Variants in SDK1 observed in about 807,000 individuals in gnomAD.
The protein encoded by SDK1 is sidekick cell adhesion molecule 1.
Under a neutral mutation model 245.5 loss-of-function variants are expected in SDK1, and 157 were observed. The observed-to-expected ratio is 0.64, with a 90% CI of 0.56 to 0.73. The LOEUF (loss-of-function observed/expected upper bound fraction) is 0.73. Among genes scored for constraint, SDK1 ranks in the 30% least tolerant of loss-of-function variants. The pLI is 0.00. For synonymous variants in SDK1, 1,647 were observed against 1,278.5 expected (o/e 1.29, Z -6.15); for missense variants, 3,583 against 3,002.3 (o/e 1.19, Z -4.52).
chr7:3,944,451 C>T (rs920970608), intron 5 of SDK1, among the ~76,000 whole-genome samples: 34 of 152,180 alleles, frequency 2.2e-4, no homozygotes, highest in African/African-American at 7.7e-4. Flanking sequence ...TAATGTAGGA[C>T]GTTGAAGTAG....
chr7:3,876,560 T>C (rs2115142161), intron 5 of SDK1, among the ~76,000 whole-genome samples: 1 of 152,332 alleles, frequency 6.6e-6, no homozygotes, highest in East Asian at 1.9e-4. Flanking sequence ...AATTTTAAAA[T>C]GTAAAAACAG....
At chr7:3,561,724 T>C (rs181559230) in intron 1 of SDK1, among the ~76,000 whole-genome samples, 1 of 152,330 alleles carries the variant, frequency 6.6e-6, no homozygotes, top group African/African-American at 2.4e-5. Context: ...CAGGAGATAT[T>C]ATTAAAGGCC....
intron 5 of SDK1, among the ~76,000 whole-genome samples, chr7:3,891,160 A>G (rs1781448701): frequency 6.6e-6 from 1 of 152,160 alleles, no homozygotes; most frequent in South Asian, 2.1e-4. Flanking sequence ...ACTGGGAAAG[A>G]GGATGGGGGA....
chr7:3,793,191 T>C (rs1324155061), intron 4 of SDK1, among the ~76,000 whole-genome samples: 2 of 152,212 alleles, frequency 1.3e-5, no homozygotes, highest in African/African-American at 2.4e-5. Context: ...TTTAATATTT[T>C]GGTCTGTTTC....
At chr7:3,571,563 C>A (rs1240243491) in intron 1 of SDK1, among the ~76,000 whole-genome samples, 1 of 151,992 alleles carries the variant, frequency 6.6e-6, no homozygotes, top group African/African-American at 2.4e-5. Context: ...CCTTAGCCTC[C>A]CAAAGTGTGA....
chr7:4,260,518 C>T lies in SDK1; in HGVS notation c.6382-4606C>T, dbSNP rs185027537. Among the ~76,000 whole-genome samples, 442 of 107,600 alleles carry T rather than the reference C, an allele frequency of 4.1e-3. 8 individuals are homozygous for T. The highest frequency in any genetic ancestry group is 0.016 in the African/African-American group (419 of 25,854). The allele number at this position is 107,600 out of a possible 152,430, so 70.6% of individuals were successfully genotyped here. A position where few individuals can be genotyped will look rare whatever the true frequency, so the allele number is the denominator to read the frequency against. On this transcript the variant is annotated intron_variant, in intron 44 of 44. Coordinates refer to ENST00000404826, the MANE Select transcript of SDK1 (RefSeq NM_152744.4). ...CACCTGATGGAGAAGCTGGCTGCTC[C>T]GGGGTCTCTGTGTGTGGGAAGATGT...
intron 5 of SDK1, among the ~76,000 whole-genome samples, chr7:3,868,923 T>C (rs1024309198): frequency 6.6e-6 from 1 of 152,186 alleles, no homozygotes; most frequent in Non-Finnish European, 1.5e-5. Context: ...GTATCATTGC[T>C]CCGTATGAGA....
At chr7:3,959,691 C>A (rs1046279065) in intron 8 of SDK1, among the ~76,000 whole-genome samples, 1 of 152,214 alleles carries the variant, frequency 6.6e-6, no homozygotes, top group Non-Finnish European at 1.5e-5. Flanking sequence ...TGTCTGAGTT[C>A]TCTCACATAA....
intron 5 of SDK1, among the ~76,000 whole-genome samples, chr7:3,907,781 A>G (rs1027923861): frequency 6.6e-6 from 1 of 152,194 alleles, no homozygotes; most frequent in Admixed American, 6.5e-5. Flanking sequence ...AACATATATG[A>G]TATTCAAAAT....
At chr7:3,509,884 G>T (rs1047489324) in intron 1 of SDK1, among the ~76,000 whole-genome samples, 1 of 152,180 alleles carries the variant, frequency 6.6e-6, no homozygotes, top group Non-Finnish European at 1.5e-5. Context: ...CAGACTGCAC[G>T]TTAGAATCAC....
intron 14 of SDK1, among the ~76,000 whole-genome samples, chr7:4,007,861 C>T (rs1785611397): frequency 6.6e-6 from 1 of 152,160 alleles, no homozygotes; most frequent in Admixed American, 6.5e-5. Context: ...GCCTCAGCCT[C>T]CAAAAGTGCA....
intron 5 of SDK1, among the ~76,000 whole-genome samples, chr7:3,858,919 G>A (rs1780615594): frequency 6.8e-6 from 1 of 147,000 alleles, no homozygotes; most frequent in African/African-American, 2.6e-5. Context: ...CTGGAGTGCA[G>A]TGGCGTGATC....
chr7:3,589,938 C>A (rs1780808078), intron 1 of SDK1, among the ~76,000 whole-genome samples: 1 of 152,194 alleles, frequency 6.6e-6, no homozygotes, highest in Non-Finnish European at 1.5e-5. Flanking sequence ...TATGCAGAGT[C>A]TGTGCTGTGC....
intron 43 of SDK1, among the ~76,000 whole-genome samples, chr7:4,243,938 T>C (rs908322751): frequency 3.3e-5 from 5 of 152,218 alleles, no homozygotes; most frequent in African/African-American, 1.2e-4. Context: ...TCCAATTTCT[T>C]TTTGGGGAAG....
At chr7:3,867,301 C>G (rs1780845238) in intron 5 of SDK1, among the ~76,000 whole-genome samples, 1 of 152,120 alleles carries the variant, frequency 6.6e-6, no homozygotes, top group Non-Finnish European at 1.5e-5. Flanking sequence ...ATGTTTTTCT[C>G]AAGCATGTGA....
intron 1 of SDK1, among the ~76,000 whole-genome samples, chr7:3,366,440 A>T (rs1319634042): frequency 6.6e-6 from 1 of 152,016 alleles, no homozygotes; most frequent in African/African-American, 2.4e-5. Context: ...AGTTACATTA[A>T]GTACTGGGTA....
intron 1 of SDK1, among the ~76,000 whole-genome samples, chr7:3,455,660 CCA>C (rs1205355855): frequency 2.0e-5 from 3 of 152,092 alleles, no homozygotes; most frequent in Non-Finnish European, 4.4e-5. Context: ...TCCACCGATA[CCA>C]CACAGTTTTG....
At chr7:3,954,883 A>C (rs1781133414) in intron 7 of SDK1, among the ~76,000 whole-genome samples, 1 of 152,042 alleles carries the variant, frequency 6.6e-6, no homozygotes, top group African/African-American at 2.4e-5. Flanking sequence ...GCTATTTACC[A>C]ATAATCAGTT....
chr7:4,002,133 C>T (rs756936558), intron 14 of SDK1, among the ~76,000 whole-genome samples: 1 of 152,232 alleles, frequency 6.6e-6, no homozygotes, highest in Admixed American at 6.5e-5. Flanking sequence ...TTTATATAAC[C>T]TTTGCATAAC....
Sources: allele counts gnomAD v4.1 joint callset (sites outside exome capture counted in the v4.1 genomes callset), GRCh38; gene constraint gnomAD v4.1.1; transcripts MANE v1.5; gene names NCBI Gene and HGNC (gene_info 2026-07-23, HGNC 2026-07-21).